Variants in IMMP2L observed in about 807,000 individuals in gnomAD.
The protein encoded by IMMP2L is mitochondrial inner membrane protease subunit 2.
In IMMP2L, 18 loss-of-function variants were observed where a neutral mutation model predicts 19.3. The ratio of observed to expected loss-of-function variants is 0.93; its 90% CI spans 0.64 to 1.38. IMMP2L has a LOEUF of 1.38. Ranked by LOEUF, IMMP2L falls within the 40% of genes most tolerant of loss-of-function variation. The pLI is 0.00. For missense variants in IMMP2L, 233 were observed against 218.2 expected (o/e 1.07, Z -0.43); for synonymous variants, 76 against 73.0 (o/e 1.04, Z -0.21).
At chr7:110,902,502 A>ATATATATATATATAT (rs1811986550) in intron 4 of IMMP2L, among the ~76,000 whole-genome samples, 4 of 143,512 alleles carry the variant, frequency 2.8e-5, no homozygotes, top group African/African-American at 1.0e-4. Context: ...ATATATATAT[A>ATATATATATATATAT]GTATCAAGGG....
intron 2 of IMMP2L, among the ~76,000 whole-genome samples, chr7:111,504,182 C>T (rs1844628054): frequency 6.6e-6 from 1 of 152,062 alleles, no homozygotes; most frequent in Non-Finnish European, 1.5e-5. Flanking sequence ...CAATAACAGA[C>T]AAACAGAGAG....
chr7:111,027,157 C>A (rs1826919115), intron 3 of IMMP2L, among the ~76,000 whole-genome samples: 1 of 152,200 alleles, frequency 6.6e-6, no homozygotes, highest in South Asian at 2.1e-4. Flanking sequence ...ACGCCCACTG[C>A]AGTTTCTCAA....
chr7:110,694,754 C>G (rs548084957), intron 5 of IMMP2L, among the ~76,000 whole-genome samples: 1 of 152,228 alleles, frequency 6.6e-6, no homozygotes, highest in African/African-American at 2.4e-5. Flanking sequence ...TGAAAACAGA[C>G]TCAAACAAAT....
chr7:111,356,073 T>G (rs1466876171), intron 3 of IMMP2L, among the ~76,000 whole-genome samples: 1 of 152,018 alleles, frequency 6.6e-6, no homozygotes, highest in African/African-American at 2.4e-5. Flanking sequence ...AACATTAAAT[T>G]TAAATTTAGA....
intron 5 of IMMP2L, among the ~76,000 whole-genome samples, chr7:110,746,307 G>T (rs1231890035): frequency 6.6e-6 from 1 of 152,000 alleles, no homozygotes; most frequent in Non-Finnish European, 1.5e-5. Flanking sequence ...AATAATAGTG[G>T]GAGACTTTAA....
intron 5 of IMMP2L, among the ~76,000 whole-genome samples, chr7:110,881,608 C>A (rs1019259035): frequency 2.0e-4 from 30 of 152,166 alleles, no homozygotes; most frequent in African/African-American, 7.2e-4. Flanking sequence ...CCTGTCAACA[C>A]TGTCTAATGA....
At chr7:110,705,903 T>C (rs1794643183) in intron 5 of IMMP2L, among the ~76,000 whole-genome samples, 1 of 152,134 alleles carries the variant, frequency 6.6e-6, no homozygotes, top group Admixed American at 6.6e-5. Flanking sequence ...TTTCATTCTT[T>C]TTATGGCTGC....
chr7:111,031,691 T>C (rs985462542), intron 3 of IMMP2L, among the ~76,000 whole-genome samples: 1 of 152,100 alleles, frequency 6.6e-6, no homozygotes, highest in Non-Finnish European at 1.5e-5. Context: ...AGAATACCTC[T>C]CCACTCCTTG....
Position 110,848,817 on chromosome 7 carries a change from A to G in IMMP2L, c.408+37776T>C, listed in dbSNP as rs539148625. On this transcript the variant is annotated intron_variant, in intron 5 of 5. Coordinates refer to ENST00000405709, the MANE Select transcript of IMMP2L (RefSeq NM_032549.4). ...AAAGAAGCCAATCTGAAGAGGCTACATACTATACGATTTCAAATATATGAC... is the reference window on the plus strand; with the variant it reads ...AAAGAAGCCAATCTGAAGAGGCTACGTACTATACGATTTCAAATATATGAC... Among the ~76,000 whole-genome samples the G allele has an allele frequency of 6.6e-5, 10 of 152,258 alleles. No homozygotes were observed. In the East Asian group the frequency reaches 1.9e-3, roughly 29 times the overall value.
In IMMP2L at chr7:111,335,437, A is replaced by G. The variant is rs182739015; in HGVS notation, c.239+151801T>C. Among the ~76,000 whole-genome samples, 383 of 152,256 alleles carry G rather than the reference A, an allele frequency of 2.5e-3. 6 individuals carry two copies. Among genetic ancestry groups the G allele is most frequent in the Non-Finnish European group, 3.8e-4 (26 of 68,004 alleles). On this transcript the variant is annotated intron_variant, in intron 3 of 5. Transcript: ENST00000405709. ...GGGAGGAAATATCTACAGCACAAAG[A>G]TGAAAGGTTAATATTATATAGAACA...
intron 3 of IMMP2L, among the ~76,000 whole-genome samples, chr7:110,979,991 G>T (rs1821096278): frequency 6.6e-6 from 1 of 152,090 alleles, no homozygotes. Context: ...ATGGAACCTG[G>T]ATTCTAACTA....
chr7:111,289,126 G>T (rs534553819), intron 3 of IMMP2L, among the ~76,000 whole-genome samples: 1 of 152,086 alleles, frequency 6.6e-6, no homozygotes, highest in Non-Finnish European at 1.5e-5. Context: ...CAAGGACATG[G>T]ATGACACTGG....
intron 5 of IMMP2L, among the ~76,000 whole-genome samples, chr7:110,810,546 G>C (rs906970783): frequency 7.2e-5 from 11 of 152,046 alleles, no homozygotes; most frequent in Admixed American, 6.6e-4. Context: ...GTTATGGTAA[G>C]AACCTTAACC....
intron 3 of IMMP2L, among the ~76,000 whole-genome samples, chr7:111,015,740 TC>T (rs1403961248): frequency 6.6e-6 from 1 of 152,110 alleles, no homozygotes; most frequent in Non-Finnish European, 1.5e-5. Context: ...ATGAAAATAT[TC>T]TTGTATTAAA....
rs193252703 is a variant in IMMP2L at position 110,847,972 on chromosome 7, T to C, written c.408+38621A>G. ...GTTATAAAACCCCTAGAAGATAACA[T>C]GGAAAAAAATAAATGACGTAGGGTA... On this transcript the variant is annotated intron_variant, in intron 5 of 5. Transcript: ENST00000405709. Among the ~76,000 whole-genome samples the C allele has an allele frequency of 4.2e-3, 637 of 152,020 alleles. 15 individuals carry two copies. The highest frequency in any genetic ancestry group is 1.9e-3 in the East Asian group (10 of 5,166).
In IMMP2L at chr7:110,824,349, C is replaced by A. The variant is rs571438026; in HGVS notation, c.408+62244G>T. ...TAATTATTTACACAAATAGGATAGA[C>A]TAAAAATAATTTTCTGCAGCTATTT... On this transcript the variant is annotated intron_variant, in intron 5 of 5. Transcript: ENST00000405709. Among the ~76,000 whole-genome samples, 15 of 152,136 alleles carry A rather than the reference C, an allele frequency of 9.9e-5. No homozygotes were observed. In the South Asian group the frequency reaches 3.1e-3, roughly 32 times the overall value.
rs1040921032 is a variant in IMMP2L, at chr7:111,304,076, G to A, written c.239+183162C>T. 1.4e-3 allele frequency among the ~76,000 whole-genome samples: 216 copies of A among 152,052 alleles called. 3 individuals are homozygous for A. Among genetic ancestry groups the A allele is most frequent in the Non-Finnish European group, 2.6e-4 (18 of 67,994 alleles). On this transcript the variant is annotated intron_variant, in intron 3 of 5. Coordinates refer to ENST00000405709, the MANE Select transcript of IMMP2L (RefSeq NM_032549.4). ...TACTGTTAATTTCATACACTAAAATGAATTGAAGAAACTAATTATTCATAA... is the reference window on the plus strand; with the variant it reads ...TACTGTTAATTTCATACACTAAAATAAATTGAAGAAACTAATTATTCATAA...
rs1456244317 is a variant in IMMP2L, at chr7:111,305,184, CAAG to C, written c.239+182051_239+182053del. The stretch of plus-strand genomic sequence containing the variant: ...GGAAGCTGGGTAGGAAAAAAAAATC[CAAG>C]AAGAGTACGAGCAGAGTTGGAGAGA... On this transcript the variant is annotated intron_variant, in intron 3 of 5. Transcript: ENST00000405709. Among the ~76,000 whole-genome samples the C allele has an allele frequency of 1.8e-4, 28 of 151,910 alleles. No individual in the cohort carries two copies. The East Asian group carries it at 4.3e-3, about 23-fold the overall frequency.
Position 110,969,837 on chromosome 7 carries a change from AG to A in IMMP2L, c.240-6273del, listed in dbSNP as rs1263050360. Among the ~76,000 whole-genome samples the A allele has an allele frequency of 8.5e-5, 13 of 152,224 alleles. No homozygotes were observed. In the East Asian group the frequency reaches 2.3e-3, roughly 27 times the overall value. On this transcript the variant is annotated intron_variant, in intron 3 of 5. Coordinates refer to ENST00000405709, the MANE Select transcript of IMMP2L (RefSeq NM_032549.4). The stretch of plus-strand genomic sequence containing the variant: ...GAAATAGAATCTTTCAGGACACTGG[AG>A]AGATTCCAGTCAGGTTTCTAGAGAC...
Sources: gnomAD v4.1 joint callset for allele counts (sites outside exome capture counted in the v4.1 genomes callset) on GRCh38, gnomAD v4.1.1 for gene constraint, MANE v1.5 for transcripts, NCBI Gene and HGNC (gene_info 2026-07-23, HGNC 2026-07-21) for gene names.